Variants in SV2C observed in about 807,000 individuals in gnomAD.
SV2C encodes synaptic vesicle glycoprotein 2C, also known as solute carrier family 22 member B3.
In SV2C, 49 loss-of-function variants were observed where a neutral mutation model predicts 79.7. That is an observed-to-expected ratio of 0.61 (90% CI 0.49 to 0.78). SV2C has a LOEUF of 0.78. Ranked by LOEUF, SV2C falls within the 30% of genes least tolerant of loss-of-function variation. The pLI is 0.00. For missense variants in SV2C, 833 were observed against 912.9 expected (o/e 0.91, Z 1.13); for synonymous variants, 334 against 333.2 (o/e 1.00, Z -0.03).
chr5:76,007,932 C>G, the SV2C span, among the ~76,000 whole-genome samples: 10 of 152,146 alleles, frequency 6.6e-5, no homozygotes, highest in African/African-American at 2.2e-4. Context: ...GACTGCTGTT[C>G]ATGGTAATGT....
At chr5:76,079,099 G>A, upstream of SV2C, 1 of 366,086 alleles carries the variant, frequency 2.7e-6, no homozygotes, top group Admixed American at 3.7e-5. Flanking sequence ...GTACAATGAA[G>A]ATTCACCTTA....
At chr5:75,989,982 GTT>G in the SV2C span, among the ~76,000 whole-genome samples, 551 of 146,860 alleles carry the variant, frequency 3.8e-3, 2 homozygotes, top group Middle Eastern at 0.011. Flanking sequence ...TTTTAATGGG[GTT>G]TTTTTTTTTG....
At chr5:76,058,019 G>C in the SV2C span, among the ~76,000 whole-genome samples, 2 of 152,030 alleles carry the variant, frequency 1.3e-5, no homozygotes, top group Non-Finnish European at 2.9e-5. Context: ...TTAAAGGTGT[G>C]GTTAAAACTT....
the SV2C span, among the ~76,000 whole-genome samples, chr5:75,867,116 G>C: frequency 2.6e-5 from 4 of 152,134 alleles, no homozygotes; most frequent in Non-Finnish European, 5.9e-5. Context: ...ACACCCCCAG[G>C]CTTCTGTGCC....
chr5:75,928,178 C>T, the SV2C span, among the ~76,000 whole-genome samples: 2 of 152,192 alleles, frequency 1.3e-5, no homozygotes, highest in African/African-American at 4.8e-5. Context: ...ATTCAACCAT[C>T]ACCACCATCT....
At chr5:76,106,124 C>T (rs1258940586) in intron 1 of SV2C, among the ~76,000 whole-genome samples, 1 of 152,156 alleles carries the variant, frequency 6.6e-6, no homozygotes, top group Non-Finnish European at 1.5e-5. Flanking sequence ...CACCTGCCCC[C>T]ACCAAAACCT....
chr5:76,070,102 C>G, the SV2C span, among the ~76,000 whole-genome samples: 1 of 152,118 alleles, frequency 6.6e-6, no homozygotes, highest in Non-Finnish European at 1.5e-5. Flanking sequence ...GAGAACAGCC[C>G]AGGTCTCCAG....
the SV2C span, among the ~76,000 whole-genome samples, chr5:75,903,396 A>G: frequency 5.9e-4 from 89 of 150,160 alleles, no homozygotes; most frequent in Middle Eastern, 3.4e-3. Flanking sequence ...AAAGAAATTT[A>G]TATCATTTTC....
At chr5:76,313,881 C>T (rs770794605) in intron 12 of SV2C, among the ~76,000 whole-genome samples, 4 of 152,220 alleles carry the variant, frequency 2.6e-5, no homozygotes, top group Non-Finnish European at 4.4e-5. Context: ...CATTAACAAA[C>T]CTTCTCATGC....
chr5:75,913,398 C>A, the SV2C span, among the ~76,000 whole-genome samples: 1 of 152,158 alleles, frequency 6.6e-6, no homozygotes, highest in African/African-American at 2.4e-5. Flanking sequence ...TAAATAAGAG[C>A]AAGTTGAGCC....
chr5:75,952,286 CCTTT>C, the SV2C span, among the ~76,000 whole-genome samples: 8,598 of 136,276 alleles, frequency 0.063, 306 homozygotes, highest in Non-Finnish European at 0.089. Flanking sequence ...TTCCTTCCTT[CCTTT>C]CTTCCTTCCT....
intron 4 of SV2C, among the ~76,000 whole-genome samples, chr5:76,237,637 T>C (rs561522522): frequency 6.6e-6 from 1 of 152,304 alleles, no homozygotes; most frequent in South Asian, 2.1e-4. Flanking sequence ...TATTGTGTTT[T>C]GGTCCTTGCA....
intron 1 of SV2C, among the ~76,000 whole-genome samples, chr5:76,085,996 ACTGT>A (rs1747182801): frequency 1.3e-5 from 2 of 152,152 alleles, no homozygotes; most frequent in Non-Finnish European, 2.9e-5. Flanking sequence ...TTAGCTACTG[ACTGT>A]CTGGAGAAGG....
At chr5:76,306,310 C>T (rs1180239361) in intron 12 of SV2C, among the ~76,000 whole-genome samples, 1 of 152,136 alleles carries the variant, frequency 6.6e-6, no homozygotes, top group Non-Finnish European at 1.5e-5. Flanking sequence ...TCTGCCCCAG[C>T]CTCTGAAGTA....
At chr5:76,085,814 A>T (rs1747170410) in intron 1 of SV2C, among the ~76,000 whole-genome samples, 1 of 106,468 alleles carries the variant, frequency 9.4e-6, no homozygotes, top group South Asian at 3.5e-4. Flanking sequence ...AAATATTAGC[A>T]AACAAAGCCC....
chr5:76,134,411 T>C (rs1161974234), intron 2 of SV2C, among the ~76,000 whole-genome samples: 1 of 152,206 alleles, frequency 6.6e-6, no homozygotes, highest in Non-Finnish European at 1.5e-5. Flanking sequence ...GCCATTTTCA[T>C]TTCATCGAAT....
chr5:75,981,176 A>G, the SV2C span, among the ~76,000 whole-genome samples: 2 of 152,128 alleles, frequency 1.3e-5, no homozygotes, highest in Non-Finnish European at 2.9e-5. Context: ...AAAGATCTCT[A>G]CAAAGTAAAC....
In SV2C at chr5:76,194,971, G is replaced by T; in HGVS notation, c.633G>T (p.Leu211=). 6.2e-7 allele frequency: 1 copy of T among 1,614,094 alleles called. No homozygotes were observed. The highest frequency in any genetic ancestry group is 8.5e-7 in the Non-Finnish European group (1 of 1,179,968). Residue 211 remains leucine (L), a synonymous_variant, in exon 3 of 13, where the codon CTG becomes CTT. Coordinates refer to ENST00000502798, the MANE Select transcript of SV2C (RefSeq NM_014979.4). ...MMVGAFFWGG[L]ADKVGRKQSL... ...TGGGGGCGTTCTTCTGGGGAGGACT[G>T]GCAGACAAAGTGGGAAGGAAACAGT...
chr5:76,252,127 T>C (rs2112440736), intron 4 of SV2C, among the ~76,000 whole-genome samples: 1 of 152,274 alleles, frequency 6.6e-6, no homozygotes, highest in Middle Eastern at 3.4e-3. Context: ...GCTTTTTTTG[T>C]TGTTGTTTTT....
Sources: gnomAD v4.1 joint callset for allele counts (sites outside exome capture counted in the v4.1 genomes callset) on GRCh38, gnomAD v4.1.1 for gene constraint, MANE v1.5 for transcripts, NCBI Gene and HGNC (gene_info 2026-07-23, HGNC 2026-07-21) for gene names.